Variants in TNRC18 observed in about 807,000 individuals in gnomAD.
TNRC18 encodes the protein trinucleotide repeat-containing gene 18 protein.
In TNRC18, 69 loss-of-function variants were observed where a neutral mutation model predicts 226.7. The observed-to-expected ratio is 0.30, with a 90% CI of 0.25 to 0.37. The LOEUF is 0.37. Among genes scored for constraint, TNRC18 ranks in the 10% least tolerant of loss-of-function variants. The pLI is 1.00. For synonymous variants in TNRC18, 2,449 were observed against 1,927.6 expected (o/e 1.27, Z -7.09); for missense variants, 4,754 against 4,256.6 (o/e 1.12, Z -3.25).
intron 5 of TNRC18, among the ~76,000 whole-genome samples, chr7:5,381,945 G>A (rs955897707): frequency 2.0e-5 from 3 of 152,002 alleles, no homozygotes; most frequent in South Asian, 2.1e-4. Context: ...CAGCCTGGGC[G>A]ACAGAGTGAG....
At chr7:5,339,795 C>G (rs1185389105) in intron 18 of TNRC18, among the ~76,000 whole-genome samples, 1 of 151,640 alleles carries the variant, frequency 6.6e-6, no homozygotes, top group African/African-American at 2.4e-5. Context: ...GTCTCGAACT[C>G]CTGACCTCAA....
Position 5,357,146 on chromosome 7 carries a change from T to A in TNRC18, c.4964A>T (p.Lys1655Ile), listed in dbSNP as rs1370537211. 1 of 1,575,546 alleles carries A rather than the reference T, an allele frequency of 6.3e-7. No homozygotes were observed. The part of the protein sequence containing the change: ...PFKFSDSAGG[K>I]SKTSGGCGRY... ...GCCGCAGCCCCCGCTAGTTTTCGAT[T>A]TCCCCCCAGCACTGTCCGAAAACTT... The change falls in exon 16 of 30, where the codon AAA (lysine) becomes ATA (isoleucine). Residue 1655 changes from lysine to isoleucine, a missense_variant. Physicochemically the swap from Lys to Ile is moderately radical, Grantham distance 102. Coordinates refer to ENST00000430969, the MANE Select transcript of TNRC18 (RefSeq NM_001080495.3).
chr7:5,345,479 C>T (rs1791082391), intron 18 of TNRC18, 83 bp downstream of exon 18: 5 of 1,323,562 alleles, frequency 3.8e-6, no homozygotes, highest in Non-Finnish European at 5.1e-6. Context: ...ATCTCTGAGC[C>T]TCAGTTTCCT....
intron 11 of TNRC18, among the ~76,000 whole-genome samples, chr7:5,363,774 G>A (rs1247693162): frequency 6.6e-6 from 1 of 151,964 alleles, no homozygotes; most frequent in Non-Finnish European, 1.5e-5. Context: ...TTATTTGTAC[G>A]TGCATTTTTC....
At chr7:5,343,022 AC>A in intron 18 of TNRC18, among the ~76,000 whole-genome samples, 1 of 152,274 alleles carries the variant, frequency 6.6e-6, no homozygotes, top group Non-Finnish European at 1.5e-5. Flanking sequence ...TTTTGGCAAT[AC>A]ACTATTTTTA....
chr7:5,404,381 A>C (rs967791310), intron 2 of TNRC18, among the ~76,000 whole-genome samples: 11 of 152,202 alleles, frequency 7.2e-5, no homozygotes, highest in African/African-American at 2.4e-4. Flanking sequence ...GAGAAAAAAA[A>C]AGAATCCCAG....
At chr7:5,401,925 C>T (rs1781122110) in intron 2 of TNRC18, among the ~76,000 whole-genome samples, 2 of 152,132 alleles carry the variant, frequency 1.3e-5, no homozygotes, top group South Asian at 4.1e-4. Flanking sequence ...CCTGTAATCC[C>T]AGCACTTTGG....
chr7:5,361,245 G>A (rs1196547220), intron 14 of TNRC18, among the ~76,000 whole-genome samples: 1 of 152,194 alleles, frequency 6.6e-6, no homozygotes, highest in Non-Finnish European at 1.5e-5. Flanking sequence ...GTCCCAACAA[G>A]CAAGGCTGGC....
At position 5,351,863 on chromosome 7, in the gene TNRC18, G is replaced by T; in HGVS notation, c.5426C>A (p.Ala1809Glu). 6.2e-7 allele frequency: 1 copy of T among 1,612,024 alleles called. No individual in the cohort carries two copies. The change falls in exon 17 of 30, where the codon GCG (alanine) becomes GAG (glutamate). Residue 1809 changes from alanine to glutamate, a missense_variant. Ala to Glu is a moderately radical substitution (Grantham distance 107). Transcript: ENST00000430969. The stretch of plus-strand genomic sequence containing the variant: ...CGAAGAGTCGCTGAAGGAGGAACGC[G>T]CCTCGGCCTCTCGAAGCAGCAGACA... ...PFCLLLREAEARSSFSDSSEE... is the reference protein window; with the variant it reads ...PFCLLLREAEERSSFSDSSEE...
intron 2 of TNRC18, among the ~76,000 whole-genome samples, chr7:5,413,399 C>G (rs895522918): frequency 6.6e-6 from 1 of 152,194 alleles, no homozygotes; most frequent in Admixed American, 6.5e-5. Flanking sequence ...ATCCGTCTTA[C>G]CTGCCCAACC....
chr7:5,383,040 C>T (rs1779507204), intron 5 of TNRC18, among the ~76,000 whole-genome samples: 1 of 152,060 alleles, frequency 6.6e-6, no homozygotes. Flanking sequence ...ACTATAGATG[C>T]CACACCACTA....
Position 5,313,728 on chromosome 7 carries a change from T to C in TNRC18, c.7163A>G (p.Lys2388Arg), listed in dbSNP as rs771097631. The C allele has an allele frequency of 4.1e-5, 65 of 1,577,088 alleles. No individual in the cohort carries two copies. The highest frequency in any genetic ancestry group is 4.8e-5 in the Non-Finnish European group (56 of 1,162,082). ...EPVDKRAKAP[K>R]ARPAPPQPSP... ...GGGCTGCGGCGGTGCCGGGCGCGCC[T>C]TGGGGGCCTTGGCTCGCTTGTCCAC... Residue 2388 changes from lysine (K) to arginine (R), a missense_variant, in exon 27 of 30, where the codon AAG becomes AGG. Lys to Arg is a conservative substitution (Grantham distance 26). Coordinates refer to ENST00000430969, the MANE Select transcript of TNRC18 (RefSeq NM_001080495.3).
intron 21 of TNRC18, among the ~76,000 whole-genome samples, chr7:5,323,571 T>TTTTTTG (rs1482759774): frequency 4.0e-5 from 6 of 148,816 alleles, no homozygotes; most frequent in Non-Finnish European, 9.0e-5. Context: ...CCAGACAGTT[T>TTTTTTG]TTTTTTTTTT....
chr7:5,313,155 G>C lies in TNRC18; in HGVS notation c.7736C>G (p.Ser2579Trp), dbSNP rs1272947737. The change falls in exon 27 of 30, where the codon TCG becomes TGG. Residue 2579 changes from serine (S) to tryptophan (W), a missense_variant. By Grantham distance (177) the Ser-to-Trp change is radical. Transcript: ENST00000430969. ...SSSSSSSSSG[S>W]ETEGEEEGDK... Reference sequence around the variant, plus strand: ...GCCTTCCTCCTCCCCTTCTGTCTCCGAGCCGCTGCTGCTGCTGCTGCTGCT... The same window carrying C: ...GCCTTCCTCCTCCCCTTCTGTCTCCCAGCCGCTGCTGCTGCTGCTGCTGCT... The C allele has an allele frequency of 2.0e-6, 3 of 1,528,128 alleles. No homozygotes were observed. The highest frequency in any genetic ancestry group is 2.0e-5 in the Admixed American group (1 of 50,884). The allele number at this position is 1,528,128 out of a possible 1,614,324, so 94.7% of individuals were successfully genotyped here.
At chr7:5,326,491 C>A (rs575688965) in intron 19 of TNRC18, among the ~76,000 whole-genome samples, 29 of 152,266 alleles carry the variant, frequency 1.9e-4, no homozygotes, top group African/African-American at 6.7e-4. Flanking sequence ...GTTGCCCAGG[C>A]TGGAGTGCCA....
intron 19 of TNRC18, among the ~76,000 whole-genome samples, chr7:5,331,869 C>G (rs1226467548): frequency 6.6e-6 from 1 of 152,138 alleles, no homozygotes; most frequent in African/African-American, 2.4e-5. Flanking sequence ...ATGATCACAG[C>G]ACTGCACTCC....
intron 18 of TNRC18, among the ~76,000 whole-genome samples, chr7:5,335,600 G>A (rs576411825): frequency 7.3e-5 from 7 of 96,306 alleles, no homozygotes; most frequent in Admixed American, 3.5e-4. Flanking sequence ...GTGAGACTCC[G>A]TCTAGAAAAA....
intron 11 of TNRC18, among the ~76,000 whole-genome samples, chr7:5,364,383 A>C (rs1266541804): frequency 6.6e-6 from 1 of 151,868 alleles, no homozygotes; most frequent in Non-Finnish European, 1.5e-5. Context: ...ACTTGAACCC[A>C]GGAAGTTGAG....
intron 2 of TNRC18, among the ~76,000 whole-genome samples, chr7:5,398,314 G>T (rs1288354177): frequency 1.3e-5 from 2 of 152,078 alleles, no homozygotes; most frequent in Non-Finnish European, 2.9e-5. Context: ...GGGATTACAG[G>T]TATACCCCAC....
Sources: gnomAD v4.1 joint callset for allele counts (sites outside exome capture counted in the v4.1 genomes callset) on GRCh38, gnomAD v4.1.1 for gene constraint, MANE v1.5 for transcripts, NCBI Gene and HGNC (gene_info 2026-07-23, HGNC 2026-07-21) for gene names.